The following KCNQ5 variants were observed in gnomAD, a reference collection of about 807,000 sequenced individuals.
KCNQ5 encodes potassium voltage-gated channel subfamily Q member 5, also known as potassium voltage-gated channel subfamily KQT member 5.
In KCNQ5, 30 loss-of-function variants were observed where a neutral mutation model predicts 98.2. That is an observed-to-expected ratio of 0.31 (90% CI 0.23 to 0.41). The LOEUF is 0.41. Ranked by LOEUF, KCNQ5 falls within the 10% of genes least tolerant of loss-of-function variation. The pLI is 1.00. For missense variants in KCNQ5, 835 were observed against 1,182.5 expected (o/e 0.71, Z 4.31); for synonymous variants, 458 against 449.4 (o/e 1.02, Z -0.24).
chr6:73,076,929 A>C (rs1773566026), intron 3 of KCNQ5, among the ~76,000 whole-genome samples: 1 of 152,220 alleles, frequency 6.6e-6, no homozygotes, highest in Admixed American at 6.5e-5. Context: ...GGGCTGAGGC[A>C]GGAGATCCTT....
intron 1 of KCNQ5, among the ~76,000 whole-genome samples, chr6:72,806,576 C>G (rs909538641): frequency 6.6e-6 from 1 of 152,164 alleles, no homozygotes; most frequent in African/African-American, 2.4e-5. Context: ...AGCAGAGAAT[C>G]ATAATACTTA....
At chr6:72,784,459 A>G (rs1773638205) in intron 1 of KCNQ5, among the ~76,000 whole-genome samples, 1 of 152,114 alleles carries the variant, frequency 6.6e-6, no homozygotes, top group African/African-American at 2.4e-5. Context: ...AACAATAGTT[A>G]CTCTATGAGG....
intron 1 of KCNQ5, among the ~76,000 whole-genome samples, chr6:72,896,122 C>A (rs1228355518): frequency 2.0e-5 from 3 of 151,924 alleles, no homozygotes; most frequent in Non-Finnish European, 4.4e-5. Context: ...AATAAAGTAC[C>A]CAATGAGCCT....
At chr6:73,063,476 C>T (rs1167348201) in intron 3 of KCNQ5, among the ~76,000 whole-genome samples, 1 of 151,902 alleles carries the variant, frequency 6.6e-6, no homozygotes, top group Non-Finnish European at 1.5e-5. Context: ...CACTTTGCAG[C>T]GTTCATAAAC....
chr6:72,944,337 T>C (rs79706505), intron 1 of KCNQ5, among the ~76,000 whole-genome samples: 8,894 of 152,330 alleles, frequency 0.058, 355 homozygotes, highest in Middle Eastern at 0.12. Flanking sequence ...ATTTTTTGTT[T>C]CTAATAATTT....
intron 2 of KCNQ5, among the ~76,000 whole-genome samples, chr6:73,035,827 A>G (rs1771388042): frequency 6.6e-6 from 1 of 152,198 alleles, no homozygotes; most frequent in African/African-American, 2.4e-5. Flanking sequence ...ATTCACATGC[A>G]GTTGTAAGAT....
intron 1 of KCNQ5, among the ~76,000 whole-genome samples, chr6:72,869,261 C>T (rs1778109608): frequency 1.3e-5 from 2 of 152,190 alleles, no homozygotes; most frequent in South Asian, 4.1e-4. Flanking sequence ...TGTGATGAGG[C>T]TGTCTCCCCA....
intron 1 of KCNQ5, among the ~76,000 whole-genome samples, chr6:72,752,928 A>C (rs1034481894): frequency 6.6e-6 from 1 of 152,144 alleles, no homozygotes; most frequent in Admixed American, 6.6e-5. Context: ...ACTCTAAAAG[A>C]ATACTTCCAA....
Position 73,025,623 on chromosome 6 carries a change from CAAAAAAAAAAAAAAAAAA to C in KCNQ5, c.490-16294_490-16277del, listed in dbSNP as rs58607159. On this transcript the variant is annotated intron_variant, in intron 2 of 13. Transcript: ENST00000370398. ...GGGCGACAAGAGCAAAACTCCATCT[CAAAAAAAAAAAAAAAAAA>C]AAAAAAAAAAAAAAAAAATTCAAGT... Among the ~76,000 whole-genome samples the C allele has an allele frequency of 3.4e-3, 180 of 53,014 alleles. 4 individuals carry two copies. Among genetic ancestry groups the C allele is most frequent in the African/African-American group, 7.2e-3 (174 of 24,194 alleles). 34.8% of individuals were successfully genotyped at this position (53,014 alleles called of 152,430 possible).
At chr6:73,158,509 G>A (rs1250691703) in intron 10 of KCNQ5, among the ~76,000 whole-genome samples, 2 of 152,036 alleles carry the variant, frequency 1.3e-5, no homozygotes, top group East Asian at 3.9e-4. Flanking sequence ...TCAGGGATCC[G>A]CGCGCCTCAG....
At chr6:73,176,184 T>C (rs1367020101) in intron 11 of KCNQ5, among the ~76,000 whole-genome samples, 1 of 152,236 alleles carries the variant, frequency 6.6e-6, no homozygotes, top group Non-Finnish European at 1.5e-5. Flanking sequence ...TGTCAAACTG[T>C]AATCCCCAAT....
chr6:73,191,219 T>G (rs991565136), intron 12 of KCNQ5, among the ~76,000 whole-genome samples: 3 of 152,140 alleles, frequency 2.0e-5, no homozygotes, highest in African/African-American at 7.2e-5. Context: ...CAGAGTCTAC[T>G]GCAGAGCACA....
At chr6:73,129,835 C>G in intron 9 of KCNQ5, 1 of 1,612,808 alleles carries the variant, frequency 6.2e-7, no homozygotes, top group Non-Finnish European at 8.5e-7. Flanking sequence ...GAATGTACAC[C>G]TCACGGAAGC....
chr6:72,739,221 G>A (rs1472460747), intron 1 of KCNQ5, among the ~76,000 whole-genome samples: 1 of 152,096 alleles, frequency 6.6e-6, no homozygotes, highest in Non-Finnish European at 1.5e-5. Context: ...TGAAAATGAA[G>A]TTTATTTTAA....
At chr6:72,701,616 G>A (rs116171329) in intron 1 of KCNQ5, among the ~76,000 whole-genome samples, 1,911 of 152,142 alleles carry the variant, frequency 0.013, 37 homozygotes, top group African/African-American at 0.044. Context: ...GTCTCATTCT[G>A]TTGCCCAGGC....
chr6:72,910,750 C>T (rs773189803), intron 1 of KCNQ5, among the ~76,000 whole-genome samples: 96 of 151,870 alleles, frequency 6.3e-4, no homozygotes, highest in African/African-American at 1.9e-3. Context: ...AAGAAGAAAC[C>T]GAAAGAGGAT....
At chr6:73,051,722 A>AAAAAAAAAAAAAAAAAAAC (rs1772249308) in intron 3 of KCNQ5, among the ~76,000 whole-genome samples, 1 of 143,050 alleles carries the variant, frequency 7.0e-6, no homozygotes, top group African/African-American at 2.7e-5. Context: ...AAAAAAAAAA[A>AAAAAAAAAAAAAAAAAAAC]AAAAAAAAAA....
intron 1 of KCNQ5, among the ~76,000 whole-genome samples, chr6:72,646,538 T>G (rs1353137854): frequency 6.6e-6 from 1 of 152,186 alleles, no homozygotes; most frequent in African/African-American, 2.4e-5. Context: ...TATGGTTATC[T>G]ATTGGTCTAC....
chr6:73,033,504 G>A (rs917411199), intron 2 of KCNQ5, among the ~76,000 whole-genome samples: 1 of 151,978 alleles, frequency 6.6e-6, no homozygotes, highest in African/African-American at 2.4e-5. Flanking sequence ...TAATCCCAAG[G>A]GGAAAGACCC....
Sources: allele counts gnomAD v4.1 joint callset (sites outside exome capture counted in the v4.1 genomes callset), GRCh38; gene constraint gnomAD v4.1.1; transcripts MANE v1.5; gene names NCBI Gene and HGNC (gene_info 2026-07-23, HGNC 2026-07-21).